The following ELP4 variants were observed in gnomAD, a reference collection of about 807,000 sequenced individuals.
ELP4 encodes the protein elongator acetyltransferase complex subunit 4.
A neutral mutation model predicts 48.9 loss-of-function variants in ELP4; 51 were observed. The observed-to-expected ratio is 1.04, with a 90% CI of 0.83 to 1.32. The LOEUF (loss-of-function observed/expected upper bound fraction) is 1.32. Ranked by LOEUF, ELP4 falls within the 40% of genes most tolerant of loss-of-function variation. The probability of loss-of-function intolerance (pLI) is 0.00; values close to 1 mark genes in which losing one functional copy is unlikely to be tolerated. For missense variants in ELP4, 519 were observed against 514.6 expected, an observed-to-expected ratio of 1.01 and a Z score of -0.08; for synonymous variants, 210 against 189.2, an observed-to-expected ratio of 1.11 and a Z score of -0.90.
At chr11:31,721,349 A>G (rs1197113452) in intron 9 of ELP4, among the ~76,000 whole-genome samples, 1 of 152,198 alleles carries the variant, frequency 6.6e-6, no homozygotes, top group Non-Finnish European at 1.5e-5. Context: ...TTCCTTGTGC[A>G]TATTAACCTG....
intron 6 of ELP4, among the ~76,000 whole-genome samples, chr11:31,629,481 A>G (rs1254524673): frequency 1.3e-5 from 2 of 152,074 alleles, no homozygotes; most frequent in East Asian, 3.9e-4. Context: ...TACCCACCTC[A>G]CTTAAATATC....
chr11:31,641,819 G>A (rs576079614), intron 7 of ELP4, among the ~76,000 whole-genome samples: 2 of 151,830 alleles, frequency 1.3e-5, no homozygotes, highest in Non-Finnish European at 2.9e-5. Flanking sequence ...ATTCTAAGCT[G>A]ATTTTAAACT....
At chr11:31,680,968 G>T (rs10488689) in intron 9 of ELP4, among the ~76,000 whole-genome samples, 33,152 of 151,972 alleles carry the variant, frequency 0.22, 4,530 homozygotes, top group Non-Finnish European at 0.3. Context: ...ATTAGCTGAC[G>T]TATCAAAAAA....
chr11:31,705,163 G>A (rs560673864), intron 9 of ELP4, among the ~76,000 whole-genome samples: 14 of 152,244 alleles, frequency 9.2e-5, no homozygotes, highest in South Asian at 4.2e-4. Context: ...TCATGGTTTT[G>A]GAGACTGGGA....
chr11:31,685,571 T>C (rs1946143317), intron 9 of ELP4, among the ~76,000 whole-genome samples: 1 of 152,196 alleles, frequency 6.6e-6, no homozygotes, highest in Non-Finnish European at 1.5e-5. Context: ...GTATCCAAAC[T>C]TTAATAAATT....
intron 9 of ELP4, among the ~76,000 whole-genome samples, chr11:31,710,149 A>G (rs1322389019): frequency 6.6e-6 from 1 of 152,222 alleles, no homozygotes; most frequent in East Asian, 1.9e-4. Flanking sequence ...CACTCAATAA[A>G]TATTTGTTGA....
At chr11:31,709,551 C>T (rs1395231853) in intron 9 of ELP4, among the ~76,000 whole-genome samples, 1 of 152,044 alleles carries the variant, frequency 6.6e-6, no homozygotes, top group African/African-American at 2.4e-5. Context: ...ATTAATATAC[C>T]ACACCTCAGT....
intron 9 of ELP4, among the ~76,000 whole-genome samples, chr11:31,677,802 C>T (rs2134117218): frequency 6.6e-6 from 1 of 152,214 alleles, no homozygotes; most frequent in East Asian, 1.9e-4. Flanking sequence ...TTATTAATAT[C>T]TTGCATTAGA....
intron 3 of ELP4, among the ~76,000 whole-genome samples, chr11:31,579,376 G>GAAT: frequency 6.6e-6 from 1 of 152,190 alleles, no homozygotes. Context: ...AGACAGTGTG[G>GAAT]CGATTCCTCA....
intron 9 of ELP4, among the ~76,000 whole-genome samples, chr11:31,688,096 T>C (rs1946200882): frequency 6.6e-6 from 1 of 152,218 alleles, no homozygotes; most frequent in South Asian, 2.1e-4. Flanking sequence ...AGGTTATTTA[T>C]GTTTTCACGC....
intron 9 of ELP4, among the ~76,000 whole-genome samples, chr11:31,665,741 A>C (rs1351470969): frequency 7.1e-6 from 1 of 141,034 alleles, no homozygotes; most frequent in Non-Finnish European, 1.5e-5. Flanking sequence ...TGTAGCCTCA[A>C]CCTCCCAGAC....
chr11:31,696,222 T>C lies in ELP4; in HGVS notation c.1143+46001T>C, dbSNP rs551422244. Reference sequence around the variant, plus strand: ...TGCCTTCTGCTAGCTTTTGAATGTGTTTGCTCTTGCTTCTCTAGTTCTTTT... The same window carrying C: ...TGCCTTCTGCTAGCTTTTGAATGTGCTTGCTCTTGCTTCTCTAGTTCTTTT... On this transcript the variant is annotated intron_variant, in intron 9 of 9. Coordinates refer to ENST00000640961, the MANE Select transcript of ELP4 (RefSeq NM_019040.5). Among the ~76,000 whole-genome samples the C allele has an allele frequency of 2.0e-4, 30 of 152,302 alleles. No individual in the cohort carries two copies. In the South Asian group the frequency reaches 2.5e-3, roughly 13 times the overall value.
intron 9 of ELP4, among the ~76,000 whole-genome samples, chr11:31,751,390 T>C (rs73477612): frequency 0.065 from 9,928 of 152,172 alleles, 847 homozygotes; most frequent in African/African-American, 0.19. Flanking sequence ...CTCTCCCAAC[T>C]CTACTTTCTG....
At chr11:31,740,826 G>A (rs1238944399) in intron 9 of ELP4, among the ~76,000 whole-genome samples, 3 of 152,234 alleles carry the variant, frequency 2.0e-5, no homozygotes, top group South Asian at 2.1e-4. Flanking sequence ...TGCAGAAGAC[G>A]GGTGATTTCT....
At chr11:31,599,178 T>C (rs2133995906) in intron 4 of ELP4, 1 of 152,300 alleles carries the variant, frequency 6.6e-6, no homozygotes, top group South Asian at 2.1e-4. Context: ...ATGAATAGTA[T>C]GTAGATTAAA....
chr11:31,577,164 C>T (rs1468671327), intron 3 of ELP4, among the ~76,000 whole-genome samples: 33 of 152,130 alleles, frequency 2.2e-4, no homozygotes, highest in Admixed American at 2.2e-3. Flanking sequence ...CACCTCTACG[C>T]AAATAAACTA....
At chr11:31,554,395 C>T (rs1003166054) in intron 3 of ELP4, among the ~76,000 whole-genome samples, 9 of 151,776 alleles carry the variant, frequency 5.9e-5, no homozygotes, top group African/African-American at 2.2e-4. Flanking sequence ...TTCTTCCATC[C>T]TCTTCCCCAG....
chr11:31,653,526 TAAAC>T (rs1210941424), intron 9 of ELP4: 1 of 150,546 alleles, frequency 6.6e-6, no homozygotes, highest in Non-Finnish European at 1.5e-5. Context: ...TTAAATATTT[TAAAC>T]AAAAGCTTTA....
At chr11:31,735,618 T>G (rs1402444182) in intron 9 of ELP4, among the ~76,000 whole-genome samples, 1 of 152,126 alleles carries the variant, frequency 6.6e-6, no homozygotes, top group East Asian at 1.9e-4. Flanking sequence ...ATAAGCAACT[T>G]CAGCAAAGTC....
Sources: allele counts gnomAD v4.1 joint callset (sites outside exome capture counted in the v4.1 genomes callset), GRCh38; gene constraint gnomAD v4.1.1; transcripts MANE v1.5; gene names NCBI Gene and HGNC (gene_info 2026-07-23, HGNC 2026-07-21).